The following PACS2 variants were observed in gnomAD, a reference collection of about 807,000 sequenced individuals.
The protein encoded by PACS2 is phosphofurin acidic cluster sorting protein 2, also known as PACS1-like protein.
A neutral mutation model predicts 113.0 loss-of-function variants in PACS2; 36 were observed. The ratio of observed to expected loss-of-function variants is 0.32; its 90% CI spans 0.24 to 0.42. The LOEUF (loss-of-function observed/expected upper bound fraction) is 0.42. PACS2 is among the 10% of genes least tolerant of loss of function. The pLI is 1.00. For synonymous variants in PACS2, 589 were observed against 536.1 expected, an observed-to-expected ratio of 1.10 and a Z score of -1.36; for missense variants, 1,015 against 1,239.5, an observed-to-expected ratio of 0.82 and a Z score of 2.72.
Position 105,320,744 on chromosome 14 carries a change from G to A in PACS2, c.119+5707G>A, listed in dbSNP as rs587717603. 3.9e-5 allele frequency among the ~76,000 whole-genome samples: 6 copies of A among 152,330 alleles called. 1 individual carries two copies. In the South Asian group the frequency reaches 8.3e-4, roughly 21 times the overall value. On this transcript the variant is annotated intron_variant, in intron 1 of 24. Transcript: ENST00000447393. The stretch of plus-strand genomic sequence containing the variant: ...TCTGTAGTCCTTAGCAGATTTTGGC[G>A]CTAAGATTTCCTTGTGAAATGAAAT...
At chr14:105,371,805 C>T (rs587694663) in intron 8 of PACS2, 1 of 152,204 alleles carries the variant, frequency 6.6e-6, no homozygotes, top group African/African-American at 2.4e-5. Context: ...TAATAAACAA[C>T]CAAAGTGTAT....
chr14:105,353,290 A>G lies in PACS2; in HGVS notation c.297+823A>G, dbSNP rs1363404991. Among the ~76,000 whole-genome samples, 56 of 61,976 alleles carry G rather than the reference A, an allele frequency of 9.0e-4. 1 individual carries two copies. Among genetic ancestry groups the G allele is most frequent in the African/African-American group, 1.7e-3 (25 of 15,046 alleles). 40.7% of individuals were successfully genotyped at this position (61,976 alleles called of 152,430 possible). A position where few individuals can be genotyped will look rare whatever the true frequency, so the allele number is the denominator to read the frequency against. ...GTCCCCTGGGGTGACGGGCCCCCCC[A>G]TCACTGTCCCCTGGGGTGATGGGCC... On this transcript the variant is annotated intron_variant, in intron 3 of 24. Coordinates refer to ENST00000447393, the MANE Select transcript of PACS2 (RefSeq NM_001100913.3).
chr14:105,307,653 A>G (rs1433668403), intron 1 of PACS2, among the ~76,000 whole-genome samples: 1 of 152,214 alleles, frequency 6.6e-6, no homozygotes, highest in Non-Finnish European at 1.5e-5. Flanking sequence ...GCAAGCTTCT[A>G]TGGCCTTCTC....
At position 105,361,984 on chromosome 14, in the gene PACS2, G is replaced by A. The variant is rs2060702707; in HGVS notation, c.424-5229G>A. 2.0e-5 allele frequency among the ~76,000 whole-genome samples: 3 copies of A among 151,990 alleles called. No homozygotes were observed. The East Asian group carries it at 5.8e-4, about 29-fold the overall frequency. Reference sequence around the variant, plus strand: ...AACAAAAAAAACGAATTAGTGGAGTGTGGTGGCAGGCACCTAAAGTCCCAG... The same window carrying A: ...AACAAAAAAAACGAATTAGTGGAGTATGGTGGCAGGCACCTAAAGTCCCAG... On this transcript the variant is annotated intron_variant, in intron 4 of 24. Coordinates refer to ENST00000447393, the MANE Select transcript of PACS2 (RefSeq NM_001100913.3).
chr14:105,385,363 C>T (rs1330508102), intron 18 of PACS2, among the ~76,000 whole-genome samples: 1 of 152,220 alleles, frequency 6.6e-6, no homozygotes, highest in Non-Finnish European at 1.5e-5. Context: ...CCCTGGGCCT[C>T]GGGCCCTGTG....
At position 105,391,805 on chromosome 14, in the gene PACS2, G is replaced by T. The variant is rs113727688; in HGVS notation, c.2255+39G>T. Reference sequence around the variant, plus strand: ...ACGGCTCAGCACGTTTCACTTACCCGCCCCACCACATGCTGCCTGATTCAG... The same window carrying T: ...ACGGCTCAGCACGTTTCACTTACCCTCCCCACCACATGCTGCCTGATTCAG... On this transcript the variant is annotated intron_variant, in intron 22 of 24. Coordinates refer to ENST00000447393, the MANE Select transcript of PACS2 (RefSeq NM_001100913.3). 3 of 1,549,368 alleles carry T rather than the reference G, an allele frequency of 1.9e-6. No individual in the cohort carries two copies. The African/African-American group carries it at 4.1e-5, about 21-fold the overall frequency.
intron 2 of PACS2, among the ~76,000 whole-genome samples, chr14:105,349,942 TC>T (rs1454664764): frequency 1.3e-5 from 2 of 150,938 alleles, no homozygotes; most frequent in African/African-American, 4.9e-5. Flanking sequence ...CCCGAGAACT[TC>T]CAGGAGAGCG....
chr14:105,307,375 T>C (rs2058221134), intron 1 of PACS2, among the ~76,000 whole-genome samples: 1 of 152,128 alleles, frequency 6.6e-6, no homozygotes, highest in African/African-American at 2.4e-5. Context: ...ATGACCCAGT[T>C]CTAATTCTGC....
intron 2 of PACS2, among the ~76,000 whole-genome samples, chr14:105,349,484 G>A (rs1048247427): frequency 2.0e-5 from 3 of 152,376 alleles, no homozygotes; most frequent in East Asian, 3.9e-4. Flanking sequence ...GCAGCTGGCC[G>A]GATTCTTGAC....
intron 22 of PACS2, 98 bp downstream of exon 22, chr14:105,391,864 G>A (rs1228240997): frequency 2.4e-6 from 3 of 1,262,386 alleles, no homozygotes; most frequent in Non-Finnish European, 3.2e-6. Context: ...ACCTCCCAGG[G>A]CACCTGGCCT....
intron 1 of PACS2, among the ~76,000 whole-genome samples, chr14:105,335,218 C>A (rs1156516626): frequency 6.6e-6 from 1 of 152,272 alleles, no homozygotes; most frequent in Non-Finnish European, 1.5e-5. Flanking sequence ...CTCACAGCCA[C>A]CTCGGAGGCT....
chr14:105,316,666 G>A (rs1345203086), intron 1 of PACS2, among the ~76,000 whole-genome samples: 3 of 152,158 alleles, frequency 2.0e-5, no homozygotes, highest in African/African-American at 7.2e-5. Flanking sequence ...CTATTCTCCA[G>A]GGGTCTAGAA....
chr14:105,333,461 T>C (rs1050188040), intron 1 of PACS2, among the ~76,000 whole-genome samples: 16 of 152,164 alleles, frequency 1.1e-4, no homozygotes, highest in Non-Finnish European at 2.4e-4. Context: ...GGCCGTCCTG[T>C]CCTGCTGGGG....
intron 3 of PACS2, among the ~76,000 whole-genome samples, chr14:105,353,786 G>T (rs1404702615): frequency 6.6e-6 from 1 of 152,034 alleles, no homozygotes; most frequent in Non-Finnish European, 1.5e-5. Flanking sequence ...TTGAGACGGG[G>T]TTTCACCATG....
chr14:105,361,584 C>CTGAG (rs1209500602), intron 4 of PACS2, among the ~76,000 whole-genome samples: 1 of 152,244 alleles, frequency 6.6e-6, no homozygotes, highest in East Asian at 1.9e-4. Context: ...TTGCAGTGAG[C>CTGAG]TGAGATTGCA....
rs782264015 is a variant in PACS2, at chr14:105,365,456, G to A, written c.424-1757G>A. Among the ~76,000 whole-genome samples the A allele has an allele frequency of 9.9e-5, 15 of 152,250 alleles. No homozygotes were observed. The highest frequency in any genetic ancestry group is 3.4e-4 in the African/African-American group (14 of 41,564). ...CAACAACCCGCCCCTGGCCCGCTGC[G>A]GGCCCAGCAGAGCATTCCCACTACA... On this transcript the variant is annotated intron_variant, in intron 4 of 24. Coordinates refer to ENST00000447393, the MANE Select transcript of PACS2 (RefSeq NM_001100913.3). The surrounding 1 kb of genome is among the most constrained non-coding windows in gnomAD (Gnocchi z 5.1).
At chr14:105,388,186 G>T (rs960000037) in intron 19 of PACS2, among the ~76,000 whole-genome samples, 1 of 152,168 alleles carries the variant, frequency 6.6e-6, no homozygotes, top group African/African-American at 2.4e-5. Context: ...TCATCCAGAG[G>T]CATTTGCCAG....
intron 1 of PACS2, among the ~76,000 whole-genome samples, chr14:105,319,381 T>G (rs190042643): frequency 2.0e-5 from 3 of 152,248 alleles, no homozygotes; most frequent in African/African-American, 4.8e-5. Context: ...AGCTATTTAC[T>G]TAGGTCTTGA....
chr14:105,348,501 G>C lies in PACS2; in HGVS notation c.128G>C (p.Ser43Thr), dbSNP rs781847893. 3 of 1,611,650 alleles carry C rather than the reference G, an allele frequency of 1.9e-6. No homozygotes were observed. Among genetic ancestry groups the C allele is most frequent in the Non-Finnish European group, 2.5e-6 (3 of 1,179,294 alleles). The change falls in exon 2 of 25, where the codon AGC (serine) becomes ACC (threonine). Residue 43 changes from serine (S) to threonine (T), a missense_variant. Transcript: ENST00000447393. This position sits in a 1 kb window ranked among gnomAD's most constrained non-coding sequence, Gnocchi z 6.4. ...SSPSCVPRLC[S>T]LTLKKLVVFK... Reference sequence around the variant, plus strand: ...TGTGCCTTGCCTCACAGGTTGTGCAGCCTGACTCTGAAGAAGCTGGTGGTC... The same window carrying C: ...TGTGCCTTGCCTCACAGGTTGTGCACCCTGACTCTGAAGAAGCTGGTGGTC...
Sources: gnomAD v4.1 joint callset for allele counts (sites outside exome capture counted in the v4.1 genomes callset) on GRCh38, gnomAD v4.1.1 for gene constraint, Gnocchi (gnomAD v3.1) non-coding constraint, MANE v1.5 for transcripts, NCBI Gene and HGNC (gene_info 2026-07-23, HGNC 2026-07-21) for gene names.